Variants in ADGRL3 observed in about 807,000 individuals in gnomAD.
ADGRL3 encodes the protein calcium-independent alpha-latrotoxin receptor 3.
ADGRL3 carries 62 observed loss-of-function variants against 153.5 expected under a neutral mutation model. The ratio of observed to expected loss-of-function variants is 0.40; its 90% CI spans 0.33 to 0.50. ADGRL3 has a LOEUF of 0.50. Ranked by LOEUF, ADGRL3 falls within the 20% of genes least tolerant of loss-of-function variation. The probability of loss-of-function intolerance (pLI) is 0.47; values close to 1 mark genes in which losing one functional copy is unlikely to be tolerated. For synonymous variants in ADGRL3, 710 were observed against 672.5 expected, an observed-to-expected ratio of 1.06 and a Z score of -0.86; for missense variants, 1,641 against 1,859.4, an observed-to-expected ratio of 0.88 and a Z score of 2.16.
chr4:61,395,185 T>G (rs932431777), intron 2 of ADGRL3, among the ~76,000 whole-genome samples: 3 of 151,944 alleles, frequency 2.0e-5, no homozygotes, highest in Admixed American at 6.6e-5. Context: ...AAAATATAAG[T>G]GTGGTATTTA....
chr4:61,774,211 G>A (rs2097119259), intron 8 of ADGRL3, among the ~76,000 whole-genome samples: 1 of 151,720 alleles, frequency 6.6e-6, no homozygotes, highest in Admixed American at 6.6e-5. Context: ...AAAAAAATTA[G>A]CAGGGCACGG....
intron 1 of ADGRL3, among the ~76,000 whole-genome samples, chr4:61,382,043 C>A (rs2096675073): frequency 6.6e-6 from 1 of 151,848 alleles, no homozygotes; most frequent in African/African-American, 2.4e-5. Context: ...CATTTTATAT[C>A]ATAGTATATC....
intron 4 of ADGRL3, among the ~76,000 whole-genome samples, chr4:61,528,096 C>A (rs1377033781): frequency 6.6e-6 from 1 of 152,140 alleles, no homozygotes; most frequent in Non-Finnish European, 1.5e-5. Context: ...TCATGACTCA[C>A]TTGAAAGATG....
chr4:61,434,012 G>C (rs1418522420), intron 2 of ADGRL3, among the ~76,000 whole-genome samples: 1 of 151,978 alleles, frequency 6.6e-6, no homozygotes, highest in Non-Finnish European at 1.5e-5. Flanking sequence ...ATTCAGTTTT[G>C]ATTATATCTC....
intron 9 of ADGRL3, among the ~76,000 whole-genome samples, chr4:61,852,281 T>A (rs1265744322): frequency 1.4e-5 from 2 of 142,510 alleles, no homozygotes; most frequent in African/African-American, 2.9e-5. Context: ...CTACTTATTT[T>A]ATTTTAATTT....
At chr4:61,793,884 T>C (rs180956973) in intron 8 of ADGRL3, among the ~76,000 whole-genome samples, 349 of 152,246 alleles carry the variant, frequency 2.3e-3, no homozygotes, top group Non-Finnish European at 1.7e-3. Context: ...ATCTATACTA[T>C]GAATGAGAAT....
At chr4:61,509,159 C>T (rs144832868) in intron 3 of ADGRL3, among the ~76,000 whole-genome samples, 3 of 131,912 alleles carry the variant, frequency 2.3e-5, no homozygotes, top group Admixed American at 8.1e-5. Context: ...CAGAGTTTCT[C>T]ATTTGTTGCC....
chr4:62,069,327 G>A (rs1325268216), intron 26 of ADGRL3, among the ~76,000 whole-genome samples: 1 of 151,746 alleles, frequency 6.6e-6, no homozygotes, highest in Non-Finnish European at 1.5e-5. Flanking sequence ...ACATTCTTTT[G>A]TAGTATTACC....
In ADGRL3 at chr4:61,334,385, A is replaced by G. The variant is rs186792781; in HGVS notation, c.-239-48739A>G. ...TGAACCCTAGAAATAAACTCTGACGATTCAGTGCGGTGGAGAGATATTAGT... is the reference window on the plus strand; with the variant it reads ...TGAACCCTAGAAATAAACTCTGACGGTTCAGTGCGGTGGAGAGATATTAGT... On this transcript the variant is annotated intron_variant, in intron 1 of 26. Transcript: ENST00000683033. 1.5e-3 allele frequency among the ~76,000 whole-genome samples: 227 copies of G among 152,290 alleles called. 2 individuals carry two copies. The highest frequency in any genetic ancestry group is 5.0e-3 in the African/African-American group (208 of 41,580).
chr4:61,821,993 G>A (rs796162213), intron 9 of ADGRL3, among the ~76,000 whole-genome samples: 10 of 152,228 alleles, frequency 6.6e-5, no homozygotes, highest in African/African-American at 2.4e-4. Flanking sequence ...AATAAAATAG[G>A]AATGTCACAT....
chr4:61,270,766 C>T (rs1195930470), intron 1 of ADGRL3, among the ~76,000 whole-genome samples: 1 of 151,544 alleles, frequency 6.6e-6, no homozygotes, highest in Non-Finnish European at 1.5e-5. Flanking sequence ...CTTGCCATGC[C>T]CAAAGCACCT....
At chr4:61,361,568 T>A (rs1455098228) in intron 1 of ADGRL3, among the ~76,000 whole-genome samples, 2 of 152,260 alleles carry the variant, frequency 1.3e-5, no homozygotes, top group East Asian at 3.9e-4. Context: ...CATCTTGAAA[T>A]CAGGGCAGTA....
rs1022937509 is a variant in ADGRL3 at position 62,017,740 on chromosome 4, A to G, written c.3396-11115A>G. On this transcript the variant is annotated intron_variant, in intron 21 of 26. Transcript: ENST00000683033. Reference sequence around the variant, plus strand: ...AGTTTTTCTTGAAAGAATGGAAAGGAGAAGTAGGCCTTCAACCCACTGGCT... The same window carrying G: ...AGTTTTTCTTGAAAGAATGGAAAGGGGAAGTAGGCCTTCAACCCACTGGCT... Among the ~76,000 whole-genome samples the G allele has an allele frequency of 6.6e-5, 10 of 152,160 alleles. 1 individual carries two copies. The East Asian group carries it at 1.7e-3, about 26-fold the overall frequency.
chr4:61,613,875 C>A (rs1478908861), intron 5 of ADGRL3, among the ~76,000 whole-genome samples: 1 of 152,124 alleles, frequency 6.6e-6, no homozygotes, highest in African/African-American at 2.4e-5. Flanking sequence ...AATAGCAGTG[C>A]TGCAACTTGA....
rs538483891 is a variant in ADGRL3, at chr4:62,072,205, T to C, written c.*1297T>C. On this transcript the variant is annotated 3_prime_UTR_variant, in exon 27 of 27. Coordinates refer to ENST00000683033, the MANE Select transcript of ADGRL3 (RefSeq NM_001387552.1). ...CCTCGTAAGCATTGGAAGGTCAAAT[T>C]ATTTTGAAGTGATTTTTTTAAAAAA... 6.5e-6 allele frequency: 1 copy of C among 152,732 alleles called. No homozygotes were observed. The highest frequency in any genetic ancestry group is 2.1e-4 in the South Asian group (1 of 4,826). The allele number at this position is 152,732 out of a possible 1,614,324, so 9.5% of individuals were successfully genotyped here. A position where few individuals can be genotyped will look rare whatever the true frequency, so the allele number is the denominator to read the frequency against.
intron 9 of ADGRL3, among the ~76,000 whole-genome samples, chr4:61,826,501 G>A (rs2097802763): frequency 6.6e-6 from 1 of 152,082 alleles, no homozygotes; most frequent in South Asian, 2.1e-4. Context: ...CTAATTTCTA[G>A]AATATAATAA....
chr4:61,711,330 C>A (rs373464888), intron 6 of ADGRL3, among the ~76,000 whole-genome samples: 1 of 151,202 alleles, frequency 6.6e-6, no homozygotes, highest in Non-Finnish European at 1.5e-5. Context: ...ATGTGGAAAT[C>A]CTGCACATAA....
intron 9 of ADGRL3, among the ~76,000 whole-genome samples, chr4:61,861,156 G>A (rs10446786): frequency 0.53 from 80,660 of 151,982 alleles, 24,330 homozygotes; most frequent in Non-Finnish European, 0.7. Context: ...AAGGACCAGG[G>A]AAAGCTGAGA....
chr4:61,918,217 CAG>C (rs1320355111), intron 13 of ADGRL3, among the ~76,000 whole-genome samples: 1 of 152,112 alleles, frequency 6.6e-6, no homozygotes, highest in East Asian at 1.9e-4. Flanking sequence ...GTTGAAATGA[CAG>C]AATGCTTTTT....
Sources: gnomAD v4.1 joint callset for allele counts (sites outside exome capture counted in the v4.1 genomes callset) on GRCh38, gnomAD v4.1.1 for gene constraint, MANE v1.5 for transcripts, NCBI Gene and HGNC (gene_info 2026-07-23, HGNC 2026-07-21) for gene names.